The following ATP2B2 variants were observed in gnomAD, a reference collection of about 807,000 sequenced individuals.
ATP2B2 encodes plasma membrane calcium-transporting ATPase 2.
A neutral mutation model predicts 120.0 loss-of-function variants in ATP2B2; 15 were observed. That is an observed-to-expected ratio of 0.12 (90% confidence interval 0.08 to 0.19). ATP2B2 has a LOEUF of 0.19. Ranked by LOEUF, ATP2B2 falls within the 10% of genes least tolerant of loss-of-function variation. The pLI is 1.00. For synonymous variants in ATP2B2, 694 were observed against 700.3 expected (o/e 0.99, Z 0.14); for missense variants, 1,045 against 1,719.8 (o/e 0.61, Z 6.94).
intron 12 of ATP2B2, among the ~76,000 whole-genome samples, chr3:10,368,632 ACATCCACCCATCCATCCATCTATTCATC>A (rs2061135928): frequency 6.6e-6 from 1 of 150,562 alleles, no homozygotes. Flanking sequence ...ACCAACCATC[ACATCCACCCATCCATCCATCTATTCATC>A]CATCCACCCA....
chr3:10,569,885 T>A (rs1053094180), intron 2 of ATP2B2, among the ~76,000 whole-genome samples: 7 of 152,184 alleles, frequency 4.6e-5, no homozygotes, highest in African/African-American at 1.7e-4. Flanking sequence ...TAACACAGAC[T>A]GGGATACCTA....
At chr3:10,395,371 C>T (rs1180890566) in intron 5 of ATP2B2, among the ~76,000 whole-genome samples, 1 of 152,208 alleles carries the variant, frequency 6.6e-6, no homozygotes, top group Non-Finnish European at 1.5e-5. Context: ...ATGGATGGCA[C>T]AGCAGGTAAC....
chr3:10,356,487 T>C (rs1260428317), intron 14 of ATP2B2, among the ~76,000 whole-genome samples: 1 of 152,230 alleles, frequency 6.6e-6, no homozygotes, highest in African/African-American at 2.4e-5. Context: ...CTTGCTTTGG[T>C]GAAATGTGTG....
At chr3:10,665,801 G>A (rs923603687) in intron 1 of ATP2B2, among the ~76,000 whole-genome samples, 1 of 152,090 alleles carries the variant, frequency 6.6e-6, no homozygotes, top group Non-Finnish European at 1.5e-5. Flanking sequence ...CTCCAGCAGG[G>A]GATAAGCTGG....
chr3:10,514,669 G>A (rs1368472547), intron 3 of ATP2B2, among the ~76,000 whole-genome samples: 3 of 152,220 alleles, frequency 2.0e-5, no homozygotes, highest in Non-Finnish European at 4.4e-5. Flanking sequence ...CCGCCTGTTA[G>A]CCCCATAAGG....
At chr3:10,675,517 C>T (rs1397987558) in intron 1 of ATP2B2, among the ~76,000 whole-genome samples, 1 of 152,170 alleles carries the variant, frequency 6.6e-6, no homozygotes, top group African/African-American at 2.4e-5. Context: ...AAATTTGAGG[C>T]TCTGGTGCAG....
intron 19 of ATP2B2, among the ~76,000 whole-genome samples, chr3:10,341,558 G>A (rs2060278292): frequency 2.6e-5 from 4 of 152,130 alleles, no homozygotes; most frequent in African/African-American, 4.8e-5. Context: ...TGATCCACCC[G>A]CCTCGGCCTC....
In ATP2B2 at chr3:10,343,927, C is replaced by T. The variant is rs1440777809; in HGVS notation, c.2704-962G>A. On this transcript the variant is annotated intron_variant, in intron 18 of 22. Coordinates refer to ENST00000360273, the MANE Select transcript of ATP2B2 (RefSeq NM_001001331.4). The surrounding 1 kb of genome is among the most constrained non-coding windows in gnomAD (Gnocchi z 4.2). ...CGTCTAGTGGCCTGTGGAACACCTC[C>T]TCCAGGAAGCCCCCAGACCCTGTAA... Among the ~76,000 whole-genome samples the T allele has an allele frequency of 6.6e-6, 1 of 152,098 alleles. No individual in the cohort carries two copies. Among genetic ancestry groups the T allele is most frequent in the African/African-American group, 2.4e-5 (1 of 41,396 alleles).
intron 3 of ATP2B2, among the ~76,000 whole-genome samples, chr3:10,523,847 A>G (rs1167672431): frequency 6.6e-6 from 1 of 152,000 alleles, no homozygotes; most frequent in Admixed American, 6.6e-5. Context: ...AATGCAGAAA[A>G]AAAAAAAAAT....
intron 1 of ATP2B2, among the ~76,000 whole-genome samples, chr3:10,700,892 A>G (rs2125719795): frequency 6.6e-6 from 1 of 152,370 alleles, no homozygotes; most frequent in Middle Eastern, 3.4e-3. Flanking sequence ...ATGGGGAAAA[A>G]TAGCAAACAG....
chr3:10,426,241 A>C (rs907237582), intron 2 of ATP2B2, among the ~76,000 whole-genome samples: 1 of 151,980 alleles, frequency 6.6e-6, no homozygotes, highest in Non-Finnish European at 1.5e-5. Context: ...TTTCCTTTTA[A>C]TCATTATTTT....
intron 1 of ATP2B2, among the ~76,000 whole-genome samples, chr3:10,668,387 T>C (rs2071003281): frequency 6.6e-6 from 1 of 152,188 alleles, no homozygotes; most frequent in Non-Finnish European, 1.5e-5. Context: ...GCTTGAGAAG[T>C]GAAATCCTGT....
chr3:10,331,930 G>C, intron 22 of ATP2B2: 1 of 1,503,954 alleles, frequency 6.6e-7, no homozygotes, highest in East Asian at 2.5e-5. Context: ...AGGAAGCCAA[G>C]AGTCTGGGAT....
At chr3:10,540,725 G>T (rs1176909614) in intron 2 of ATP2B2, among the ~76,000 whole-genome samples, 3 of 104,320 alleles carry the variant, frequency 2.9e-5, no homozygotes, top group African/African-American at 1.1e-4. Context: ...GTCGTGGGGT[G>T]GGGGGAGGGG....
At chr3:10,418,614 A>C (rs1378064631) in intron 2 of ATP2B2, among the ~76,000 whole-genome samples, 1 of 152,058 alleles carries the variant, frequency 6.6e-6, no homozygotes, top group Non-Finnish European at 1.5e-5. Flanking sequence ...GCACGTCTTT[A>C]TTTCCAGCAA....
chr3:10,456,450 C>T (rs947119022), intron 1 of ATP2B2, among the ~76,000 whole-genome samples: 8 of 152,180 alleles, frequency 5.3e-5, no homozygotes, highest in Non-Finnish European at 8.8e-5. Flanking sequence ...GCTCTTAATC[C>T]TCTGTGCCTT....
intron 3 of ATP2B2, among the ~76,000 whole-genome samples, chr3:10,409,069 A>G (rs1312494241): frequency 6.6e-6 from 1 of 152,260 alleles, no homozygotes; most frequent in Non-Finnish European, 1.5e-5. Flanking sequence ...TTCTATCATA[A>G]TAGCTCCCAA....
intron 14 of ATP2B2, among the ~76,000 whole-genome samples, chr3:10,357,630 A>C (rs1335844802): frequency 6.6e-6 from 1 of 152,128 alleles, no homozygotes; most frequent in Non-Finnish European, 1.5e-5. Flanking sequence ...GGGCCCTCAA[A>C]GCATCAGCAC....
At chr3:10,382,107 C>T (rs1056023383) in intron 8 of ATP2B2, among the ~76,000 whole-genome samples, 27 of 151,616 alleles carry the variant, frequency 1.8e-4, no homozygotes, top group African/African-American at 6.6e-4. Flanking sequence ...TTCACTGCAA[C>T]GTTGAACTCC....
Sources: allele counts gnomAD v4.1 joint callset (sites outside exome capture counted in the v4.1 genomes callset), GRCh38; gene constraint gnomAD v4.1.1; non-coding constraint Gnocchi (gnomAD v3.1); transcripts MANE v1.5; gene names NCBI Gene and HGNC (gene_info 2026-07-23, HGNC 2026-07-21).